The following RPS6KB1 variants were observed in gnomAD, a reference collection of about 807,000 sequenced individuals.
The protein encoded by RPS6KB1 is ribosomal protein S6 kinase B1, also known as ribosomal protein S6 kinase beta-1.
In RPS6KB1, 12 loss-of-function variants were observed where a neutral mutation model predicts 70.2. That is an observed-to-expected ratio of 0.17 (90% CI 0.11 to 0.28). The LOEUF (loss-of-function observed/expected upper bound fraction) is 0.28. Among genes scored for constraint, RPS6KB1 ranks in the 10% least tolerant of loss-of-function variants. RPS6KB1 has a pLI of 1.00. For missense variants in RPS6KB1, 270 were observed against 646.6 expected, an observed-to-expected ratio of 0.42 and a Z score of 6.32; for synonymous variants, 175 against 211.2, an observed-to-expected ratio of 0.83 and a Z score of 1.49.
At chr17:59,918,528 C>T (rs556834283) in intron 4 of RPS6KB1, among the ~76,000 whole-genome samples, 6 of 152,026 alleles carry the variant, frequency 3.9e-5, no homozygotes, top group South Asian at 4.2e-4. Context: ...CGCTACCACA[C>T]CTGGCTAATT....
chr17:59,922,199 C>G (rs1453364281), intron 4 of RPS6KB1, among the ~76,000 whole-genome samples: 1 of 152,052 alleles, frequency 6.6e-6, no homozygotes, highest in African/African-American at 2.4e-5. Flanking sequence ...TCCTACCACG[C>G]CTGCCTAATT....
intron 12 of RPS6KB1, among the ~76,000 whole-genome samples, chr17:59,940,275 C>CTTTTTTTTTTTTTTTTT: frequency 1.2e-5 from 1 of 81,490 alleles, no homozygotes; most frequent in Non-Finnish European, 2.3e-5. Context: ...GATATATTCA[C>CTTTTTTTTTTTTTTTTT]TTTTTTTTTT....
chr17:59,905,098 C>T (rs1249545064), intron 1 of RPS6KB1, among the ~76,000 whole-genome samples: 1 of 152,068 alleles, frequency 6.6e-6, no homozygotes, highest in African/African-American at 2.4e-5. Context: ...CTCACTGCAG[C>T]CTTGACCTCT....
Position 59,946,503 on chromosome 17 carries a change from T to G in RPS6KB1, c.1341-48T>G. 5.2e-5 allele frequency: 70 copies of G among 1,344,198 alleles called. No individual in the cohort carries two copies. Among genetic ancestry groups the G allele is most frequent in the Non-Finnish European group, 6.9e-5 (65 of 936,076 alleles). The allele number at this position is 1,344,198 out of a possible 1,614,324, so 83.3% of individuals were successfully genotyped here. ...TAAACGTAAAGGAAATATGTCTTGTTGAGATGACCCTTAAGCAAATGAATG... is the reference window on the plus strand; with the variant it reads ...TAAACGTAAAGGAAATATGTCTTGTGGAGATGACCCTTAAGCAAATGAATG... On this transcript the variant is annotated intron_variant, in intron 14 of 14. Transcript: ENST00000225577. The surrounding 1 kb of genome is among the most constrained non-coding windows in gnomAD (Gnocchi z 4.2).
At chr17:59,921,048 C>T (rs1442153670) in intron 4 of RPS6KB1, among the ~76,000 whole-genome samples, 1 of 152,082 alleles carries the variant, frequency 6.6e-6, no homozygotes, top group East Asian at 1.9e-4. Context: ...TTATTTATGT[C>T]GGATAATCAG....
chr17:59,898,157 G>A (rs947135733), intron 1 of RPS6KB1, among the ~76,000 whole-genome samples: 15 of 152,038 alleles, frequency 9.9e-5, no homozygotes, highest in Non-Finnish European at 2.1e-4. Context: ...TTGCAAAAAT[G>A]TTGGAATCTT....
At chr17:59,904,164 T>A (rs2042125161) in intron 1 of RPS6KB1, among the ~76,000 whole-genome samples, 1 of 151,736 alleles carries the variant, frequency 6.6e-6, no homozygotes, top group Non-Finnish European at 1.5e-5. Flanking sequence ...CACTGCAACC[T>A]CCACCTCCCA....
chr17:59,942,069 A>G (rs567102885), intron 13 of RPS6KB1, among the ~76,000 whole-genome samples: 1 of 151,786 alleles, frequency 6.6e-6, no homozygotes, highest in Non-Finnish European at 1.5e-5. Context: ...CGTGTTAGCC[A>G]GGATAGTTTT....
intron 13 of RPS6KB1, among the ~76,000 whole-genome samples, chr17:59,944,791 CTT>C (rs3066277): frequency 1.2e-4 from 16 of 134,428 alleles, no homozygotes; most frequent in African/African-American, 1.4e-4. Context: ...TATTTAACAT[CTT>C]TTTTTTTTTT....
At chr17:59,900,710 T>C (rs1286415155) in intron 1 of RPS6KB1, among the ~76,000 whole-genome samples, 3 of 152,044 alleles carry the variant, frequency 2.0e-5, no homozygotes, top group African/African-American at 2.4e-5. Context: ...AAACTGAGAG[T>C]TCATAATCAG....
chr17:59,939,181 T>G (rs2044432797), intron 12 of RPS6KB1, among the ~76,000 whole-genome samples: 1 of 151,466 alleles, frequency 6.6e-6, no homozygotes, highest in African/African-American at 2.4e-5. Flanking sequence ...CCAATGAACT[T>G]TGTGTGTGTG....
intron 13 of RPS6KB1, 60 bp from the exon 14 acceptor site, chr17:59,945,346 C>G: frequency 1.1e-6 from 1 of 874,462 alleles, no homozygotes; most frequent in Non-Finnish European, 1.9e-6. Flanking sequence ...CTGAACAACC[C>G]CATTCTCTTG....
At position 59,950,385 on chromosome 17, in the gene RPS6KB1, G is replaced by T. The variant is rs2045146123; in HGVS notation, c.*3597G>T. 1 of 152,568 alleles carries T rather than the reference G, an allele frequency of 6.6e-6. No individual in the cohort carries two copies. The highest frequency in any genetic ancestry group is 6.5e-5 in the Admixed American group (1 of 15,276). The allele number at this position is 152,568 out of a possible 1,614,324, so 9.5% of individuals were successfully genotyped here. A position where few individuals can be genotyped will look rare whatever the true frequency, so the allele number is the denominator to read the frequency against. ...TGTATTATTTGATTTCGGATTGAAT[G>T]AATGTAAATAGAAATTAAATGCAAA... On this transcript the variant is annotated 3_prime_UTR_variant, in exon 15 of 15. Coordinates refer to ENST00000225577, the MANE Select transcript of RPS6KB1 (RefSeq NM_003161.4).
At chr17:59,911,604 G>C (rs2042647499) in intron 2 of RPS6KB1, among the ~76,000 whole-genome samples, 1 of 143,426 alleles carries the variant, frequency 7.0e-6, no homozygotes, top group Non-Finnish European at 1.5e-5. Flanking sequence ...GAGTGTGATG[G>C]CATGATCTCG....
At chr17:59,925,368 T>A (rs1404663388) in intron 4 of RPS6KB1, among the ~76,000 whole-genome samples, 1 of 152,242 alleles carries the variant, frequency 6.6e-6, no homozygotes, top group Non-Finnish European at 1.5e-5. Flanking sequence ...CAAAACTTTT[T>A]CACTTTCTTT....
In RPS6KB1 at chr17:59,905,346, G is replaced by A. The variant is rs115683010; in HGVS notation, c.142-5216G>A. ...TTGATGGTGTTGGTGTTTTTGACATGCAAAGGTTTTACATTTTCAGTAAAT... is the reference window on the plus strand; with the variant it reads ...TTGATGGTGTTGGTGTTTTTGACATACAAAGGTTTTACATTTTCAGTAAAT... On this transcript the variant is annotated intron_variant, in intron 1 of 14. Coordinates refer to ENST00000225577, the MANE Select transcript of RPS6KB1 (RefSeq NM_003161.4). Among the ~76,000 whole-genome samples, 400 of 152,130 alleles carry A rather than the reference G, an allele frequency of 2.6e-3. 2 individuals are homozygous for A. Among genetic ancestry groups the A allele is most frequent in the African/African-American group, 9.2e-3 (384 of 41,524 alleles).
intron 3 of RPS6KB1, 36 bp from the exon 4 acceptor site, chr17:59,914,599 T>C (rs1431027219): frequency 1.3e-6 from 2 of 1,497,026 alleles, no homozygotes; most frequent in South Asian, 1.1e-5. Context: ...CTGACATAGT[T>C]TGCCTTTGAA....
intron 4 of RPS6KB1, among the ~76,000 whole-genome samples, chr17:59,926,230 T>TA (rs777705631): frequency 1.3e-5 from 2 of 152,206 alleles, no homozygotes; most frequent in Non-Finnish European, 2.9e-5. Flanking sequence ...GTAATTCACT[T>TA]ACGTGTTCAC....
At chr17:59,898,593 A>G (rs2041710325) in intron 1 of RPS6KB1, among the ~76,000 whole-genome samples, 1 of 151,764 alleles carries the variant, frequency 6.6e-6, no homozygotes, top group Non-Finnish European at 1.5e-5. Flanking sequence ...AGCTGGGATT[A>G]CAGGTGCCGA....
Sources: allele counts gnomAD v4.1 joint callset (sites outside exome capture counted in the v4.1 genomes callset), GRCh38; gene constraint gnomAD v4.1.1; non-coding constraint Gnocchi (gnomAD v3.1); transcripts MANE v1.5; gene names NCBI Gene and HGNC (gene_info 2026-07-23, HGNC 2026-07-21).